PDGFB: variants seen among roughly 807,000 people sequenced by gnomAD.
PDGFB encodes the protein platelet derived growth factor subunit B.
Under a neutral mutation model 29.0 loss-of-function variants are expected in PDGFB, and 6 were observed. That is an observed-to-expected ratio of 0.21 (90% CI 0.11 to 0.41). The LOEUF (loss-of-function observed/expected upper bound fraction) is 0.41. Among genes scored for constraint, PDGFB ranks in the 10% least tolerant of loss-of-function variants. The pLI is 1.00. For synonymous variants in PDGFB, 144 were observed against 140.8 expected, an observed-to-expected ratio of 1.02 and a Z score of -0.16; for missense variants, 299 against 341.8, an observed-to-expected ratio of 0.87 and a Z score of 0.99.
At position 39,235,794 on chromosome 22, in the gene PDGFB, C is replaced by A. The variant is rs765212059; in HGVS notation, c.144G>T (p.Leu48=). 1 of 1,613,026 alleles carries A rather than the reference C, an allele frequency of 6.2e-7. No homozygotes were observed. The highest frequency in any genetic ancestry group is 1.1e-5 in the South Asian group (1 of 91,062). The change falls in exon 2 of 7, where the codon CTG becomes CTT. Residue 48 remains leucine (L), a synonymous_variant. Transcript: ENST00000331163. ...IRSFDDLQRL[L]HGDPGEEDGA... The stretch of plus-strand genomic sequence containing the variant: ...TCCATTTACCTCCGGGGTCTCCGTG[C>A]AGCAGGCGTTGGAGATCATCAAAGG...
chr22:39,230,660 C>A (rs1319493291), intron 4 of PDGFB, among the ~76,000 whole-genome samples: 2 of 152,140 alleles, frequency 1.3e-5, no homozygotes, highest in Admixed American at 6.5e-5. Context: ...ATCCATAGAG[C>A]TGGAAGCATC....
rs1254201752 is a variant in PDGFB, at chr22:39,244,034, G to C, written c.-71C>G. 3 of 914,354 alleles carry C rather than the reference G, an allele frequency of 3.3e-6. No homozygotes were observed. The highest frequency in any genetic ancestry group is 3.3e-5 in the South Asian group (2 of 61,032). The allele number at this position is 914,354 out of a possible 1,614,324, so 56.6% of individuals were successfully genotyped here. A position where few individuals can be genotyped will look rare whatever the true frequency, so the allele number is the denominator to read the frequency against. ...AGCGCGCCGCCCCCGCGGCCAGGGTGGGGGGCTGGGGAGGGGGGTGGGCTC... is the reference window on the plus strand; with the variant it reads ...AGCGCGCCGCCCCCGCGGCCAGGGTCGGGGGCTGGGGAGGGGGGTGGGCTC... On this transcript the variant is annotated 5_prime_UTR_variant, in exon 1 of 7. Coordinates refer to ENST00000331163, the MANE Select transcript of PDGFB (RefSeq NM_002608.4). This position sits in a 1 kb window ranked among gnomAD's most constrained non-coding sequence, Gnocchi z 4.5.
chr22:39,234,150 G>C (rs990746409), intron 2 of PDGFB, among the ~76,000 whole-genome samples: 1 of 152,126 alleles, frequency 6.6e-6, no homozygotes, highest in African/African-American at 2.4e-5. Context: ...TCTAGCTCCG[G>C]GGCCCTCACA....
intron 5 of PDGFB, among the ~76,000 whole-genome samples, chr22:39,229,307 C>T (rs1347191066): frequency 6.6e-6 from 1 of 152,138 alleles, no homozygotes; most frequent in Non-Finnish European, 1.5e-5. Flanking sequence ...CCACCTCAGC[C>T]TCCTAAGTAG....
chr22:39,233,528 CAGG>C lies in PDGFB; in HGVS notation c.161-7_161-5del, dbSNP rs1384636783. On this transcript the variant is annotated splice_region_variant and splice_polypyrimidine_tract_variant and intron_variant, in intron 2 of 6. Coordinates refer to ENST00000331163, the MANE Select transcript of PDGFB (RefSeq NM_002608.4). ...TCCAACTCGGCCCCATCTTCCTCTG[CAGG>C]AGAAGTCACAGTCAGACACCAGGCG... 2 of 1,579,512 alleles carry C rather than the reference CAGG, an allele frequency of 1.3e-6. No individual in the cohort carries two copies. The highest frequency in any genetic ancestry group is 1.7e-6 in the Non-Finnish European group (2 of 1,165,358).
chr22:39,233,495 T>C lies in PDGFB; in HGVS notation c.190A>G (p.Met64Val), dbSNP rs1668358897. Residue 64 changes from methionine (M) to valine (V), a missense_variant, in exon 3 of 7, where the codon ATG becomes GTG. By Grantham distance (21) the Met-to-Val change is conservative. Coordinates refer to ENST00000331163, the MANE Select transcript of PDGFB (RefSeq NM_002608.4). The stretch of plus-strand genomic sequence containing the variant: ...TCGCCTCCAGAGTGGGAGCGGGTCA[T>C]GTTCAGGTCCAACTCGGCCCCATCT... ...EEDGAELDLN[M>V]TRSHSGGELE... is the part of the protein sequence containing the mutation. The C allele has an allele frequency of 3.8e-6, 6 of 1,594,952 alleles. No individual in the cohort carries two copies. Among genetic ancestry groups the C allele is most frequent in the Non-Finnish European group, 5.1e-6 (6 of 1,171,798 alleles).
chr22:39,236,859 G>A (rs1241283639), intron 1 of PDGFB, among the ~76,000 whole-genome samples: 1 of 152,196 alleles, frequency 6.6e-6, no homozygotes, highest in African/African-American at 2.4e-5. Flanking sequence ...TTCCACGTGT[G>A]CAAACACACA....
At chr22:39,238,420 C>T (rs1405901768) in intron 1 of PDGFB, among the ~76,000 whole-genome samples, 3 of 151,902 alleles carry the variant, frequency 2.0e-5, no homozygotes, top group Admixed American at 6.6e-5. Flanking sequence ...CCACTAGATG[C>T]CCAGAACTAC....
rs1473408491 is a variant in PDGFB, at chr22:39,237,359, CTTTG to C, written c.64-1489_64-1486del. Among the ~76,000 whole-genome samples, 4 of 152,146 alleles carry C rather than the reference CTTTG, an allele frequency of 2.6e-5. No homozygotes were observed. In the South Asian group the frequency reaches 6.2e-4, roughly 24 times the overall value. On this transcript the variant is annotated intron_variant, in intron 1 of 6. Coordinates refer to ENST00000331163, the MANE Select transcript of PDGFB (RefSeq NM_002608.4). ...CCCTGAAACCCCTGAGTCTCCATGT[CTTTG>C]TTTGAACATGGAGCTTACAACTCCG...
At chr22:39,232,693 T>C (rs118089209) in intron 3 of PDGFB, among the ~76,000 whole-genome samples, 4,501 of 152,226 alleles carry the variant, frequency 0.03, 85 homozygotes, top group Middle Eastern at 0.065. Flanking sequence ...TTTCACCATG[T>C]CGGTCAGGAT....
chr22:39,244,004 G>A lies in PDGFB; in HGVS notation c.-41C>T. On this transcript the variant is annotated 5_prime_UTR_variant, in exon 1 of 7. Coordinates refer to ENST00000331163, the MANE Select transcript of PDGFB (RefSeq NM_002608.4). The surrounding 1 kb of genome is among the most constrained non-coding windows in gnomAD (Gnocchi z 4.5). ...GGCCCCGCGGGGCCCCGGACGCGTA[G>A]ATCGAGCGCGCCGCCCCCGCGGCCA... 1 of 1,218,720 alleles carries A rather than the reference G, an allele frequency of 8.2e-7. No individual in the cohort carries two copies. The highest frequency in any genetic ancestry group is 2.3e-5 in the Admixed American group (1 of 43,766). The allele number at this position is 1,218,720 out of a possible 1,614,324, so 75.5% of individuals were successfully genotyped here.
intron 5 of PDGFB, 63 bp downstream of exon 5, chr22:39,230,020 CG>C (rs1041425962): frequency 6.4e-7 from 1 of 1,558,876 alleles, no homozygotes; most frequent in African/African-American, 1.4e-5. Context: ...TTTTTAAGAC[CG>C]GCCCCTGCCC....
chr22:39,231,499 T>C lies in PDGFB; in HGVS notation c.456+123A>G, dbSNP rs1006124971. ...TCTCTGGACAGAGCCCAGGAACAAA[T>C]CAGGAATGTCCTTCGACACACCACT... On this transcript the variant is annotated intron_variant, in intron 4 of 6. Transcript: ENST00000331163. This position sits in a 1 kb window ranked among gnomAD's most constrained non-coding sequence, Gnocchi z 4.3. 1.1e-5 allele frequency: 8 copies of C among 757,376 alleles called. No homozygotes were observed. Among genetic ancestry groups the C allele is most frequent in the Non-Finnish European group, 1.3e-5 (6 of 479,990 alleles). The allele number at this position is 757,376 out of a possible 1,614,324, so 46.9% of individuals were successfully genotyped here. A position where few individuals can be genotyped will look rare whatever the true frequency, so the allele number is the denominator to read the frequency against.
Position 39,242,507 on chromosome 22 carries a change from G to T in PDGFB, c.63+1394C>A, listed in dbSNP as rs912733204. On this transcript the variant is annotated intron_variant, in intron 1 of 6. Transcript: ENST00000331163. This position sits in a 1 kb window ranked among gnomAD's most constrained non-coding sequence, Gnocchi z 5.7. ...AGGCGGAGAGGGGGCGTCGGGAGGGGCCTGAAGGCGGCCCGGCCGAGCCCC... is the reference window on the plus strand; with the variant it reads ...AGGCGGAGAGGGGGCGTCGGGAGGGTCCTGAAGGCGGCCCGGCCGAGCCCC... Among the ~76,000 whole-genome samples, 1 of 150,338 alleles carries T rather than the reference G, an allele frequency of 6.7e-6. No individual in the cohort carries two copies. The highest frequency in any genetic ancestry group is 2.4e-5 in the African/African-American group (1 of 41,224).
intron 1 of PDGFB, among the ~76,000 whole-genome samples, chr22:39,239,629 G>A (rs1932522595): frequency 6.6e-6 from 1 of 152,148 alleles, no homozygotes; most frequent in African/African-American, 2.4e-5. Context: ...GCTGTCCCAA[G>A]ATCTCAGGCC....
intron 1 of PDGFB, among the ~76,000 whole-genome samples, chr22:39,241,485 G>A (rs1932567453): frequency 6.6e-6 from 1 of 152,222 alleles, no homozygotes; most frequent in Non-Finnish European, 1.5e-5. Flanking sequence ...CATACATCGC[G>A]CCTGTGGCCA....
At chr22:39,237,974 T>C (rs903535929) in intron 1 of PDGFB, among the ~76,000 whole-genome samples, 1 of 152,206 alleles carries the variant, frequency 6.6e-6, no homozygotes, top group African/African-American at 2.4e-5. Context: ...AAAGATTCAA[T>C]TAACCCCCCA....
chr22:39,223,402 T>A lies in PDGFB; in HGVS notation c.*1940A>T, dbSNP rs1226802333. On this transcript the variant is annotated 3_prime_UTR_variant, in exon 7 of 7. Transcript: ENST00000331163. ...CGTCACTGCCAGAGACACGCACAAG[T>A]CCACGTGTCAGGAGCTGTGCCAGGA... 6.6e-6 allele frequency: 1 copy of A among 152,206 alleles called. No individual in the cohort carries two copies. Among genetic ancestry groups the A allele is most frequent in the Admixed American group, 6.5e-5 (1 of 15,280 alleles). The allele number at this position is 152,206 out of a possible 1,614,324, so 9.4% of individuals were successfully genotyped here.
chr22:39,232,418 G>A (rs1932331578), intron 3 of PDGFB, among the ~76,000 whole-genome samples: 1 of 152,196 alleles, frequency 6.6e-6, no homozygotes, highest in Admixed American at 6.5e-5. Context: ...ATGTACAGAG[G>A]ACAGGAGGCT....
Sources: allele counts gnomAD v4.1 joint callset (sites outside exome capture counted in the v4.1 genomes callset), GRCh38; gene constraint gnomAD v4.1.1; non-coding constraint Gnocchi (gnomAD v3.1); transcripts MANE v1.5; gene names NCBI Gene and HGNC (gene_info 2026-07-23, HGNC 2026-07-21).